DSCAML1: variants seen among roughly 807,000 people sequenced by gnomAD.
The protein encoded by DSCAML1 is DS cell adhesion molecule like 1, also known as cell adhesion molecule DSCAML1.
In DSCAML1, 38 loss-of-function variants were observed where a neutral mutation model predicts 200.5. That is an observed-to-expected ratio of 0.19 (90% confidence interval 0.15 to 0.25). The LOEUF (loss-of-function observed/expected upper bound fraction) is 0.25. Among genes scored for constraint, DSCAML1 ranks in the 10% least tolerant of loss-of-function variants. The probability of loss-of-function intolerance (pLI) is 1.00; values close to 1 mark genes in which losing one functional copy is unlikely to be tolerated. For synonymous variants in DSCAML1, 1,215 were observed against 1,165.0 expected, an observed-to-expected ratio of 1.04 and a Z score of -0.87; for missense variants, 2,223 against 2,858.8, an observed-to-expected ratio of 0.78 and a Z score of 5.07.
At chr11:117,795,839 T>G (rs2055563047) in intron 1 of DSCAML1, among the ~76,000 whole-genome samples, 1 of 152,126 alleles carries the variant, frequency 6.6e-6, no homozygotes, top group Admixed American at 6.5e-5. Context: ...AACCCTCCAC[T>G]GGAGTGCCCT....
At chr11:117,752,158 T>A (rs933780195) in intron 3 of DSCAML1, among the ~76,000 whole-genome samples, 2 of 152,164 alleles carry the variant, frequency 1.3e-5, no homozygotes, top group African/African-American at 4.8e-5. Flanking sequence ...GTATGGGAGA[T>A]AGGAGCCCTG....
intron 3 of DSCAML1, among the ~76,000 whole-genome samples, chr11:117,636,195 C>A (rs2137582860): frequency 6.6e-6 from 1 of 152,228 alleles, no homozygotes; most frequent in East Asian, 1.9e-4. Flanking sequence ...AAAAACCGAG[C>A]CTTTCATCTG....
In DSCAML1 at chr11:117,780,804, G is replaced by A; in HGVS notation, c.53C>T (p.Pro18Leu). 1 of 1,449,800 alleles carries A rather than the reference G, an allele frequency of 6.9e-7. No individual in the cohort carries two copies. Among genetic ancestry groups the A allele is most frequent in the Non-Finnish European group, 9.1e-7 (1 of 1,103,170 alleles). 89.8% of individuals were successfully genotyped at this position (1,449,800 alleles called of 1,614,324 possible). Residue 18 changes from proline to leucine, a missense_variant, in exon 2 of 33, where the codon CCT becomes CTT. Pro to Leu is a moderately conservative substitution (Grantham distance 98). Transcript: ENST00000651296. The surrounding 1 kb of genome is among the most constrained non-coding windows in gnomAD (Gnocchi z 4.8). ...GTAGAGGCTGGTGCCAACATCTTCA[G>A]GGCGGGCTGCAGGAGAGGCAAGGGG... is the stretch of plus-strand genomic sequence containing the variant. ...LLLDSLHKAR[P>L]EDVGTSLYFV...
intron 3 of DSCAML1, among the ~76,000 whole-genome samples, chr11:117,597,092 G>A (rs537283057): frequency 2.0e-5 from 3 of 152,322 alleles, no homozygotes; most frequent in East Asian, 1.9e-4. Flanking sequence ...GAGGTTTTCC[G>A]ACATATGATA....
At chr11:117,699,863 T>TCCACC (rs1369184166) in intron 3 of DSCAML1, among the ~76,000 whole-genome samples, 1 of 152,108 alleles carries the variant, frequency 6.6e-6, no homozygotes, top group Non-Finnish European at 1.5e-5. Flanking sequence ...ACACATACAC[T>TCCACC]CCACCCAGCC....
At chr11:117,438,220 G>T (rs10892102) in intron 24 of DSCAML1, 137 bp from the exon 25 acceptor site, 264,081 of 795,724 alleles carry the variant, frequency 0.33, 53,864 homozygotes, top group East Asian at 0.81. Context: ...ACGGGCATAT[G>T]CTCCTTAGAA....
chr11:117,687,396 G>A (rs77324573), intron 3 of DSCAML1, among the ~76,000 whole-genome samples: 8,015 of 148,348 alleles, frequency 0.054, 694 homozygotes, highest in African/African-American at 0.19. Context: ...AAGTAATTAG[G>A]ACTACAGGTG....
At chr11:117,805,980 A>C (rs537839439) in intron 1 of DSCAML1, among the ~76,000 whole-genome samples, 40 of 152,306 alleles carry the variant, frequency 2.6e-4, no homozygotes, top group Non-Finnish European at 3.7e-4. Context: ...GTCAGGGCTT[A>C]GGTCCAGGGC....
At position 117,661,668 on chromosome 11, in the gene DSCAML1, T is replaced by G. The variant is rs74359321; in HGVS notation, c.511+115123A>C. On this transcript the variant is annotated intron_variant, in intron 3 of 32. Transcript: ENST00000651296. ...CTCCTGCATCCCTCCCTAAGGCCAG[T>G]GTGACAAAGCATGACTCAGGGCACA... is the stretch of plus-strand genomic sequence containing the variant. 4.6e-3 allele frequency among the ~76,000 whole-genome samples: 698 copies of G among 152,228 alleles called. 3 individuals carry two copies. The highest frequency in any genetic ancestry group is 0.031 in the South Asian group (149 of 4,812).
At position 117,796,941 on chromosome 11, in the gene DSCAML1, G is replaced by A. The variant is rs1591520758; in HGVS notation, c.46+93C>T. ...CTTGCACCCCGGTCGGTTCCCCCAC[G>A]CACCTGGAGCCCGCCGGGCACCCCG... On this transcript the variant is annotated intron_variant, in intron 1 of 32. Transcript: ENST00000651296. 2.5e-5 allele frequency: 25 copies of A among 986,272 alleles called. No homozygotes were observed. The South Asian group carries it at 5.4e-4, about 21-fold the overall frequency. The allele number at this position is 986,272 out of a possible 1,614,324, so 61.1% of individuals were successfully genotyped here. A position where few individuals can be genotyped will look rare whatever the true frequency, so the allele number is the denominator to read the frequency against.
At chr11:117,659,151 G>A (rs2052792499) in intron 3 of DSCAML1, among the ~76,000 whole-genome samples, 1 of 152,178 alleles carries the variant, frequency 6.6e-6, no homozygotes, top group African/African-American at 2.4e-5. Context: ...GCATGGTTCT[G>A]TAGTAAGAAG....
intron 3 of DSCAML1, among the ~76,000 whole-genome samples, chr11:117,645,460 T>C (rs1054475114): frequency 6.6e-6 from 1 of 152,172 alleles, no homozygotes; most frequent in Non-Finnish European, 1.5e-5. Flanking sequence ...TTATGAAATA[T>C]TTCAAATCTG....
intron 3 of DSCAML1, among the ~76,000 whole-genome samples, chr11:117,644,430 C>G (rs1565847002): frequency 6.6e-6 from 1 of 152,242 alleles, no homozygotes; most frequent in African/African-American, 2.4e-5. Flanking sequence ...CCAAAAGATG[C>G]TAGTGTGCCC....
At chr11:117,765,168 C>T (rs1418533245) in intron 3 of DSCAML1, among the ~76,000 whole-genome samples, 1 of 152,164 alleles carries the variant, frequency 6.6e-6, no homozygotes, top group African/African-American at 2.4e-5. Flanking sequence ...TTGTCCAGGC[C>T]CAGGGCCCCT....
intron 3 of DSCAML1, among the ~76,000 whole-genome samples, chr11:117,722,047 C>G (rs888934805): frequency 6.6e-6 from 1 of 151,886 alleles, no homozygotes; most frequent in African/African-American, 2.4e-5. Flanking sequence ...CTCAGGGTGA[C>G]CATTAATTCT....
intron 15 of DSCAML1, among the ~76,000 whole-genome samples, chr11:117,471,447 C>T (rs934902243): frequency 6.6e-6 from 1 of 152,250 alleles, no homozygotes; most frequent in Non-Finnish European, 1.5e-5. Flanking sequence ...GCTGTGATTA[C>T]AGGCATAAGC....
At chr11:117,783,814 C>G (rs1200804423) in intron 1 of DSCAML1, among the ~76,000 whole-genome samples, 1 of 152,040 alleles carries the variant, frequency 6.6e-6, no homozygotes, top group East Asian at 1.9e-4. Context: ...GTACTTTTCC[C>G]AACCCTTCCT....
chr11:117,500,244 T>G (rs1299849618), intron 11 of DSCAML1, among the ~76,000 whole-genome samples: 1 of 152,240 alleles, frequency 6.6e-6, no homozygotes, highest in African/African-American at 2.4e-5. Flanking sequence ...GAGTTAAAAT[T>G]GATGACTCTA....
intron 3 of DSCAML1, among the ~76,000 whole-genome samples, chr11:117,591,790 C>A (rs2051264192): frequency 6.6e-6 from 1 of 152,090 alleles, no homozygotes; most frequent in East Asian, 1.9e-4. Flanking sequence ...GGGAGGAGCA[C>A]TTGCCAGGGA....
Sources: allele counts gnomAD v4.1 joint callset (sites outside exome capture counted in the v4.1 genomes callset), GRCh38; gene constraint gnomAD v4.1.1; non-coding constraint Gnocchi (gnomAD v3.1); transcripts MANE v1.5; gene names NCBI Gene and HGNC (gene_info 2026-07-23, HGNC 2026-07-21).